The following CACTIN variants were observed in gnomAD, a reference collection of about 807,000 sequenced individuals.
CACTIN encodes the protein splicing factor Cactin.
In CACTIN, 20 loss-of-function variants were observed where a neutral mutation model predicts 84.9. The ratio of observed to expected loss-of-function variants is 0.24; its 90% CI spans 0.17 to 0.34. The LOEUF is 0.34. Ranked by LOEUF, CACTIN falls within the 10% of genes least tolerant of loss-of-function variation. CACTIN has a pLI of 1.00. For missense variants in CACTIN, 897 were observed against 1,117.2 expected (o/e 0.80, Z 2.81); for synonymous variants, 549 against 467.9 (o/e 1.17, Z -2.24).
At chr19:3,622,705 C>G (rs558021092) in intron 2 of CACTIN, among the ~76,000 whole-genome samples, 1 of 152,334 alleles carries the variant, frequency 6.6e-6, no homozygotes, top group East Asian at 1.9e-4. Flanking sequence ...GACTTCTGGA[C>G]TCCAGAACGA....
rs1458200398 is a variant in CACTIN at position 3,612,373 on chromosome 19, C to A, written c.1827G>T (p.Arg609=). 1 of 1,605,860 alleles carries A rather than the reference C, an allele frequency of 6.2e-7. No individual in the cohort carries two copies. The highest frequency in any genetic ancestry group is 1.3e-5 in the African/African-American group (1 of 74,892). The change falls in exon 10 of 10, where the codon CGG becomes CGT. Residue 609 remains arginine (R), a synonymous_variant. Transcript: ENST00000429344. ...CGTCCTGGCCCATGCCCTCCTTGGC[C>A]CGCCGGAAGAAGATGTCCTCGGCGC... The part of the protein sequence containing the change: ...SESAEDIFFR[R]AKEGMGQDEA...
rs1324808967 is a variant in CACTIN at position 3,610,845 on chromosome 19, G to A, written c.*1078C>T. 2.2e-6 allele frequency: 1 copy of A among 456,806 alleles called. No individual in the cohort carries two copies. The highest frequency in any genetic ancestry group is 2.0e-5 in the African/African-American group (1 of 50,192). 28.3% of individuals were successfully genotyped at this position (456,806 alleles called of 1,614,324 possible). A position where few individuals can be genotyped will look rare whatever the true frequency, so the allele number is the denominator to read the frequency against. On this transcript the variant is annotated 3_prime_UTR_variant, in exon 10 of 10. Coordinates refer to ENST00000429344, the MANE Select transcript of CACTIN (RefSeq NM_001080543.2). The stretch of plus-strand genomic sequence containing the variant: ...TGGTGAGGTTGGGTGGCCCTCTGGG[G>A]GTCCGGGAGGCACTTTCCGTTTTGC...
intron 1 of CACTIN, among the ~76,000 whole-genome samples, chr19:3,626,077 T>C (rs1251202916): frequency 2.0e-5 from 3 of 152,124 alleles, no homozygotes; most frequent in African/African-American, 7.2e-5. Flanking sequence ...TCTACGCACT[T>C]TGCCCGCTGT....
In CACTIN at chr19:3,613,038, G is replaced by C; in HGVS notation, c.1786+20C>G. 6 of 1,491,682 alleles carry C rather than the reference G, an allele frequency of 4.0e-6. No individual in the cohort carries two copies. In the South Asian group the frequency reaches 7.7e-5, roughly 19 times the overall value. 92.4% of individuals were successfully genotyped at this position (1,491,682 alleles called of 1,614,324 possible). ...CTCGCCCCACTGGCCCCACCCCCTG[G>C]CCTCCAGCCCCGCCCTTACCCGTGA... On this transcript the variant is annotated intron_variant, in intron 9 of 9. Transcript: ENST00000429344.
chr19:3,612,958 C>T lies in CACTIN; in HGVS notation c.1786+100G>A. The T allele has an allele frequency of 2.2e-6, 3 of 1,386,884 alleles. No homozygotes were observed. The South Asian group carries it at 3.7e-5, about 17-fold the overall frequency. 85.9% of individuals were successfully genotyped at this position (1,386,884 alleles called of 1,614,324 possible). A position where few individuals can be genotyped will look rare whatever the true frequency, so the allele number is the denominator to read the frequency against. ...GGGGGAGAAGCAGCAAGCAGCTCCC[C>T]ACTGACGCCAGCGGCTTCGGCCGGG... is the stretch of plus-strand genomic sequence containing the variant. On this transcript the variant is annotated intron_variant, in intron 9 of 9. Coordinates refer to ENST00000429344, the MANE Select transcript of CACTIN (RefSeq NM_001080543.2).
chr19:3,618,297 C>T (rs1049298031), intron 6 of CACTIN, among the ~76,000 whole-genome samples: 5 of 151,874 alleles, frequency 3.3e-5, no homozygotes, highest in African/African-American at 4.8e-5. Flanking sequence ...AGGCCAGGGA[C>T]GTTGCTCAGC....
rs566344161 is a variant in CACTIN, at chr19:3,611,633, G to A, written c.*290C>T. 1.0e-4 allele frequency: 47 copies of A among 453,354 alleles called. No homozygotes were observed. The highest frequency in any genetic ancestry group is 6.6e-4 in the African/African-American group (33 of 50,296). The allele number at this position is 453,354 out of a possible 1,614,324, so 28.1% of individuals were successfully genotyped here. Reference sequence around the variant, plus strand: ...CGCCTGGACGGTGAGGTCAGCTGGCGGCTGCTGGCCACCCTCGTGCTCGAA... The same window carrying A: ...CGCCTGGACGGTGAGGTCAGCTGGCAGCTGCTGGCCACCCTCGTGCTCGAA... On this transcript the variant is annotated 3_prime_UTR_variant, in exon 10 of 10. Transcript: ENST00000429344.
Position 3,610,899 on chromosome 19 carries a change from T to G in CACTIN, c.*1024A>C, listed in dbSNP as rs1160652915. On this transcript the variant is annotated 3_prime_UTR_variant, in exon 10 of 10. Coordinates refer to ENST00000429344, the MANE Select transcript of CACTIN (RefSeq NM_001080543.2). ...TGTTGGAGATGTTCCCGTCGGATGC[T>G]GAAGAACAAGCCTGCCGGCTGGGCC... The G allele has an allele frequency of 2.2e-6, 1 of 456,576 alleles. No homozygotes were observed. Among genetic ancestry groups the G allele is most frequent in the Non-Finnish European group, 4.4e-6 (1 of 226,972 alleles). The allele number at this position is 456,576 out of a possible 1,614,324, so 28.3% of individuals were successfully genotyped here.
chr19:3,618,180 G>A (rs1168464150), intron 6 of CACTIN, among the ~76,000 whole-genome samples: 2 of 37,254 alleles, frequency 5.4e-5, no homozygotes, highest in Non-Finnish European at 1.6e-4. Flanking sequence ...TTTAGACCGG[G>A]GGGGGGGGGG....
chr19:3,626,783 G>A lies in CACTIN; in HGVS notation c.-21C>T, dbSNP rs757319928. On this transcript the variant is annotated 5_prime_UTR_variant, in exon 1 of 10. Coordinates refer to ENST00000429344, the MANE Select transcript of CACTIN (RefSeq NM_001080543.2). Reference sequence around the variant, plus strand: ...CCCATCGGCTGGGCCAGTGGCCGCGGCACCAACACCAATAGCCGAAGCCTG... The same window carrying A: ...CCCATCGGCTGGGCCAGTGGCCGCGACACCAACACCAATAGCCGAAGCCTG... 4.9e-5 allele frequency: 66 copies of A among 1,359,542 alleles called. No individual in the cohort carries two copies. The highest frequency in any genetic ancestry group is 6.0e-5 in the Non-Finnish European group (63 of 1,053,696). 84.2% of individuals were successfully genotyped at this position (1,359,542 alleles called of 1,614,324 possible).
chr19:3,620,697 G>C lies in CACTIN; in HGVS notation c.738+10C>G. 6.2e-7 allele frequency: 1 copy of C among 1,604,910 alleles called. No homozygotes were observed. Among genetic ancestry groups the C allele is most frequent in the East Asian group, 2.2e-5 (1 of 44,826 alleles). On this transcript the variant is annotated intron_variant, in intron 3 of 9. Transcript: ENST00000429344. ...GAGGGCCCTGCCCAGTGGGCTGGCA[G>C]GGTGCCTACCTTCTGCAGCTCCAGC... is the stretch of plus-strand genomic sequence containing the variant.
intron 2 of CACTIN, among the ~76,000 whole-genome samples, chr19:3,622,472 G>C (rs565127974): frequency 6.6e-5 from 10 of 152,126 alleles, no homozygotes; most frequent in African/African-American, 2.2e-4. Context: ...CATGGGAAGA[G>C]GAACATTTAC....
Position 3,619,109 on chromosome 19 carries a change from C to A in CACTIN, c.1018G>T (p.Asp340Tyr). ...ATATCCTCCAGCAGGTCCTCCATGT[C>A]GGCCACGGTGAGGCCGTTGAGGAAC... ...YTFLNGLTVADMEDLLEDIQV... is the reference protein window; with the variant it reads ...YTFLNGLTVAYMEDLLEDIQV... Residue 340 changes from aspartate to tyrosine, a missense_variant, in exon 5 of 10, where the codon GAC (aspartate) becomes TAC (tyrosine). Physicochemically the swap from Asp to Tyr is radical, Grantham distance 160. This residue lies in a region of CACTIN where 304 missense variants were observed against 444.3 expected (regional missense o/e 0.68). Coordinates refer to ENST00000429344, the MANE Select transcript of CACTIN (RefSeq NM_001080543.2). 6.3e-7 allele frequency: 1 copy of A among 1,576,752 alleles called. No individual in the cohort carries two copies. The highest frequency in any genetic ancestry group is 8.6e-7 in the Non-Finnish European group (1 of 1,161,882).
In CACTIN at chr19:3,615,013, C is replaced by T. The variant is rs2033072836; in HGVS notation, c.1163-424G>A. 1.1e-5 allele frequency: 3 copies of T among 264,290 alleles called. No homozygotes were observed. The highest frequency in any genetic ancestry group is 1.5e-5 in the Non-Finnish European group (2 of 134,728). The allele number at this position is 264,290 out of a possible 1,614,324, so 16.4% of individuals were successfully genotyped here. A position where few individuals can be genotyped will look rare whatever the true frequency, so the allele number is the denominator to read the frequency against. ...GGGGGGTGTGCTCGGTAGCCAGGCT[C>T]TCTGGAATTCAGATCTTCTCTGCCA... On this transcript the variant is annotated intron_variant, in intron 6 of 9. Coordinates refer to ENST00000429344, the MANE Select transcript of CACTIN (RefSeq NM_001080543.2). The surrounding 1 kb of genome is among the most constrained non-coding windows in gnomAD (Gnocchi z 5.2).
chr19:3,614,055 C>T, intron 7 of CACTIN: 1 of 490,518 alleles, frequency 2.0e-6, no homozygotes, highest in Middle Eastern at 5.6e-4. Context: ...TGGGGACAGG[C>T]AGGCCGCCTG....
At chr19:3,625,714 A>G (rs1191323669) in intron 1 of CACTIN, among the ~76,000 whole-genome samples, 1 of 152,226 alleles carries the variant, frequency 6.6e-6, no homozygotes, top group Admixed American at 6.5e-5. Flanking sequence ...GCGACAGAGC[A>G]AGACTCCGTC....
intron 6 of CACTIN, 105 bp from the exon 7 acceptor site, chr19:3,614,694 T>C (rs2033066112): frequency 1.1e-6 from 1 of 883,608 alleles, no homozygotes; most frequent in Non-Finnish European, 1.8e-6. Flanking sequence ...CCTCCCCTCC[T>C]CTTCCCCCAC....
intron 6 of CACTIN, among the ~76,000 whole-genome samples, chr19:3,618,344 C>T (rs1453123467): frequency 1.3e-5 from 2 of 152,094 alleles, no homozygotes; most frequent in Non-Finnish European, 2.9e-5. Flanking sequence ...CCCTAGGGAA[C>T]GGCCCAGCCC....
In CACTIN at chr19:3,611,324, TGGCGGATCG is replaced by T; in HGVS notation, c.*590_*598del. 1 of 454,378 alleles carries T rather than the reference TGGCGGATCG, an allele frequency of 2.2e-6. No homozygotes were observed. The highest frequency in any genetic ancestry group is 4.4e-6 in the Non-Finnish European group (1 of 226,428). 28.1% of individuals were successfully genotyped at this position (454,378 alleles called of 1,614,324 possible). On this transcript the variant is annotated 3_prime_UTR_variant, in exon 10 of 10. Coordinates refer to ENST00000429344, the MANE Select transcript of CACTIN (RefSeq NM_001080543.2). ...TGTCCACAGAGGGTCTCTTCTGCAG[TGGCGGATCG>T]GGCGCCAGCAGGGTCCCGGCCTCAG...
Sources: gnomAD v4.1 joint callset for allele counts (sites outside exome capture counted in the v4.1 genomes callset) on GRCh38, gnomAD v4.1.1 for gene constraint, gnomAD v4.1.1 regional missense constraint, Gnocchi (gnomAD v3.1) non-coding constraint, MANE v1.5 for transcripts, NCBI Gene and HGNC (gene_info 2026-07-23, HGNC 2026-07-21) for gene names.